The following NREP variants were observed in gnomAD, a reference collection of about 807,000 sequenced individuals.
The protein encoded by NREP is neuronal regeneration related protein, also known as neuronal regeneration-related protein.
NREP carries 5 observed loss-of-function variants against 8.6 expected under a neutral mutation model. The ratio of observed to expected loss-of-function variants is 0.58; its 90% confidence interval spans 0.30 to 1.22. The LOEUF is 1.22. Ranked by LOEUF, NREP falls within the 50% of genes most tolerant of loss-of-function variation. NREP has a pLI of 0.07. For missense variants in NREP, 86 were observed against 82.5 expected, an observed-to-expected ratio of 1.04 and a Z score of -0.17; for synonymous variants, 27 against 28.0, an observed-to-expected ratio of 0.96 and a Z score of 0.11.
At chr5:111,930,400 C>G (rs146914068) in intron 2 of NREP, among the ~76,000 whole-genome samples, 3 of 152,230 alleles carry the variant, frequency 2.0e-5, no homozygotes, top group East Asian at 3.9e-4. Context: ...AGTTTAATCT[C>G]TAAACTTTCC....
intron 2 of NREP, among the ~76,000 whole-genome samples, chr5:111,899,168 A>G (rs1754583164): frequency 2.0e-5 from 3 of 152,202 alleles, no homozygotes; most frequent in Admixed American, 2.0e-4. Context: ...CTGGTAGAGC[A>G]AATATACAAA....
chr5:111,852,640 G>T (rs1048578222), intron 2 of NREP, among the ~76,000 whole-genome samples: 2 of 152,150 alleles, frequency 1.3e-5, no homozygotes, highest in Admixed American at 1.3e-4. Flanking sequence ...GGGACCTTAG[G>T]AAAGCCCTTT....
At chr5:111,940,966 T>A (rs545019574) in intron 2 of NREP, among the ~76,000 whole-genome samples, 1 of 152,206 alleles carries the variant, frequency 6.6e-6, no homozygotes, top group African/African-American at 2.4e-5. Context: ...CTTCAATAAG[T>A]CTTCAGTAAA....
intron 2 of NREP, among the ~76,000 whole-genome samples, chr5:111,741,342 G>C (rs1368261782): frequency 6.6e-6 from 1 of 152,100 alleles, no homozygotes; most frequent in African/African-American, 2.4e-5. Context: ...ACCTAGTACT[G>C]TAATTCAAGG....
At chr5:111,962,885 C>T (rs1024540095) in intron 2 of NREP, among the ~76,000 whole-genome samples, 1 of 152,162 alleles carries the variant, frequency 6.6e-6, no homozygotes, top group African/African-American at 2.4e-5. Flanking sequence ...CTCTAGCTCC[C>T]CTCTCCACTG....
chr5:111,772,586 G>A (rs1005420850), intron 2 of NREP, among the ~76,000 whole-genome samples: 1 of 151,984 alleles, frequency 6.6e-6, no homozygotes, highest in African/African-American at 2.4e-5. Context: ...TCTACTAAAA[G>A]GAACAGGTGT....
chr5:111,893,362 G>T (rs142685920), intron 2 of NREP, among the ~76,000 whole-genome samples: 2 of 152,052 alleles, frequency 1.3e-5, no homozygotes, highest in African/African-American at 4.8e-5. Context: ...AAGAAATAGT[G>T]CAGTTATTTC....
intron 2 of NREP, chr5:111,940,079 A>T (rs1404788147): frequency 1.3e-5 from 2 of 152,062 alleles, no homozygotes; most frequent in African/African-American, 4.8e-5. Context: ...TCCCAATCTG[A>T]ATTACTGCAT....
intron 2 of NREP, among the ~76,000 whole-genome samples, chr5:111,866,209 C>T (rs891640678): frequency 6.6e-6 from 1 of 152,110 alleles, no homozygotes; most frequent in South Asian, 2.1e-4. Flanking sequence ...TCAGAGTGAA[C>T]AGGCAACCTA....
At chr5:111,938,576 A>G (rs1755745911) in intron 2 of NREP, among the ~76,000 whole-genome samples, 2 of 152,042 alleles carry the variant, frequency 1.3e-5, no homozygotes, top group Admixed American at 1.3e-4. Context: ...CCTAGTTTGC[A>G]TTTCAGATCG....
At chr5:111,917,977 A>G (rs141142492) in intron 2 of NREP, among the ~76,000 whole-genome samples, 5 of 152,274 alleles carry the variant, frequency 3.3e-5, no homozygotes, top group African/African-American at 1.2e-4. Context: ...CTCAGCCCCA[A>G]AACTCCTTAG....
chr5:111,860,525 T>A (rs1753521948), intron 2 of NREP, among the ~76,000 whole-genome samples: 1 of 152,172 alleles, frequency 6.6e-6, no homozygotes, highest in South Asian at 2.1e-4. Context: ...CTTAGGTTAC[T>A]GCAGAAATTG....
chr5:111,947,003 TTTAG>T (rs1193856390), intron 2 of NREP, among the ~76,000 whole-genome samples: 1 of 152,100 alleles, frequency 6.6e-6, no homozygotes, highest in Non-Finnish European at 1.5e-5. Context: ...TACAGCATAA[TTTAG>T]TTAATGAGTT....
In NREP at chr5:111,742,972, C is replaced by T. The variant is rs144471694; in HGVS notation, c.4-7465G>A. 2.1e-3 allele frequency among the ~76,000 whole-genome samples: 322 copies of T among 152,240 alleles called. 1 individual carries two copies. The highest frequency in any genetic ancestry group is 0.01 in the Middle Eastern group (3 of 294). On this transcript the variant is annotated intron_variant, in intron 2 of 3. Transcript: ENST00000257435. ...TCGGAGCCAAACTGTGGACTGGACT[C>T]AAGGAATTAAGTTCAGCACTTCAAA... is the stretch of plus-strand genomic sequence containing the variant.
At chr5:111,862,797 AT>A (rs1195830312) in intron 2 of NREP, among the ~76,000 whole-genome samples, 1 of 151,710 alleles carries the variant, frequency 6.6e-6, no homozygotes, top group African/African-American at 2.4e-5. Context: ...TTTGCTTATA[AT>A]TGTGGTAAGT....
At chr5:111,932,463 G>T (rs1276844250) in intron 2 of NREP, among the ~76,000 whole-genome samples, 1 of 152,076 alleles carries the variant, frequency 6.6e-6, no homozygotes, top group Non-Finnish European at 1.5e-5. Context: ...CTTAGATCTT[G>T]AGTCAGAAAT....
chr5:111,924,136 G>A (rs1329912411), intron 2 of NREP, among the ~76,000 whole-genome samples: 3 of 152,038 alleles, frequency 2.0e-5, no homozygotes, highest in Non-Finnish European at 4.4e-5. Flanking sequence ...CACTAAACCC[G>A]GGTACTTCAC....
rs1695547 is a variant in NREP, at chr5:111,800,109, C to A, written c.136-64602G>T. On this transcript the variant is annotated intron_variant, in intron 2 of 3. Transcript: ENST00000395634. Reference sequence around the variant, plus strand: ...ACTTTTTTTTTTTTTTTGTATTTTTCAGTAGAGACAGGGTTTCACCATATT... The same window carrying A: ...ACTTTTTTTTTTTTTTTGTATTTTTAAGTAGAGACAGGGTTTCACCATATT... Among the ~76,000 whole-genome samples, 3 of 147,140 alleles carry A rather than the reference C, an allele frequency of 2.0e-5. No individual in the cohort carries two copies. The East Asian group carries it at 6.0e-4, about 30-fold the overall frequency.
chr5:111,857,616 C>G (rs1753453914), intron 2 of NREP, among the ~76,000 whole-genome samples: 1 of 152,052 alleles, frequency 6.6e-6, no homozygotes, highest in Admixed American at 6.6e-5. Context: ...TCCAACTGAT[C>G]ACTAAATTGT....
Sources: gnomAD v4.1 joint callset for allele counts (sites outside exome capture counted in the v4.1 genomes callset) on GRCh38, gnomAD v4.1.1 for gene constraint, MANE v1.5 for transcripts, NCBI Gene and HGNC (gene_info 2026-07-23, HGNC 2026-07-21) for gene names.